Variants in CAPS2 observed in about 807,000 individuals in gnomAD.
CAPS2 encodes calcyphosine 2, also known as calcyphosin-2.
In CAPS2, 98 loss-of-function variants were observed where a neutral mutation model predicts 86.5. That is an observed-to-expected ratio of 1.13 (90% CI 0.96 to 1.34). CAPS2 has a LOEUF of 1.34. Ranked by LOEUF, CAPS2 falls within the 40% of genes most tolerant of loss-of-function variation. The pLI is 0.00. For synonymous variants in CAPS2, 210 were observed against 225.1 expected (o/e 0.93, Z 0.60); for missense variants, 729 against 686.8 (o/e 1.06, Z -0.69).
chr12:75,296,761 C>T (rs1277676696), intron 11 of CAPS2, among the ~76,000 whole-genome samples: 3 of 151,334 alleles, frequency 2.0e-5, no homozygotes, highest in Admixed American at 1.3e-4. Flanking sequence ...AACAGAACAC[C>T]ACCACCAAAA....
At chr12:75,305,504 C>A in intron 7 of CAPS2, 1 of 603,898 alleles carries the variant, frequency 1.7e-6, no homozygotes, top group East Asian at 3.6e-5. Flanking sequence ...GCCTCCAGCT[C>A]CGAGGTGCAT....
intron 4 of CAPS2, 23 bp from the exon 5 acceptor site, chr12:75,321,599 A>G (rs2139000986): frequency 6.7e-7 from 1 of 1,503,250 alleles, no homozygotes; most frequent in Admixed American, 2.2e-5. Flanking sequence ...AGAAAAAAGC[A>G]TGCTATCAGA....
chr12:75,276,254 G>C (rs1489909114), downstream of CAPS2: 2 of 1,540,124 alleles, frequency 1.3e-6, no homozygotes, highest in African/African-American at 2.8e-5. Context: ...CAACCTAGTA[G>C]TGATTATAGT....
At chr12:75,368,919 C>T (rs1593867540) in intron 1 of CAPS2, among the ~76,000 whole-genome samples, 1 of 151,872 alleles carries the variant, frequency 6.6e-6, no homozygotes, top group East Asian at 1.9e-4. Context: ...TCTGTTTTAT[C>T]CACATTTCAA....
chr12:75,389,998 C>T lies in CAPS2; in HGVS notation c.-395+840G>A, dbSNP rs149749644. On this transcript the variant is annotated intron_variant, in intron 1 of 5. Transcript: ENST00000551829. Reference sequence around the variant, plus strand: ...TATTGTTTTTCAATTGTGTGCATCACAGACAATTTTTAAAAGCACTTTTCT... The same window carrying T: ...TATTGTTTTTCAATTGTGTGCATCATAGACAATTTTTAAAAGCACTTTTCT... Among the ~76,000 whole-genome samples the T allele has an allele frequency of 4.1e-3, 618 of 152,314 alleles. 3 individuals carry two copies. Among genetic ancestry groups the T allele is most frequent in the African/African-American group, 0.014 (591 of 41,574 alleles).
In CAPS2 at chr12:75,381,912, C is replaced by T. The variant is rs527700061; in HGVS notation, c.-395+8926G>A. Reference sequence around the variant, plus strand: ...ACAGGCATGAGCCACCACACCCAGCCTCTTATGAAATTTGAATGGCTCCCT... The same window carrying T: ...ACAGGCATGAGCCACCACACCCAGCTTCTTATGAAATTTGAATGGCTCCCT... On this transcript the variant is annotated intron_variant, in intron 1 of 5. Coordinates refer to the CAPS2 transcript ENST00000551829. Among the ~76,000 whole-genome samples, 20 of 152,270 alleles carry T rather than the reference C, an allele frequency of 1.3e-4. No individual in the cohort carries two copies. In the East Asian group the frequency reaches 2.5e-3, roughly 19 times the overall value.
chr12:75,309,107 T>A (rs2138741815), intron 7 of CAPS2, among the ~76,000 whole-genome samples: 1 of 152,078 alleles, frequency 6.6e-6, no homozygotes, highest in African/African-American at 2.4e-5. Context: ...GGGATGGAGA[T>A]GACACACAAG....
At position 75,291,613 on chromosome 12, in the gene CAPS2, T is replaced by A. The variant is rs112072548; in HGVS notation, c.1240+131A>T. 592 of 50,478 alleles carry A rather than the reference T, an allele frequency of 0.012. 71 individuals carry two copies. Among genetic ancestry groups the A allele is most frequent in the East Asian group, 0.017 (15 of 902 alleles). The allele number at this position is 50,478 out of a possible 1,614,324, so 3.1% of individuals were successfully genotyped here. A position where few individuals can be genotyped will look rare whatever the true frequency, so the allele number is the denominator to read the frequency against. ...TATATATATATATATATATATATAT[T>A]CTTTTTTAAATAAGCAAAGGGTAAA... On this transcript the variant is annotated intron_variant, in intron 13 of 16. Transcript: ENST00000393284.
intron 15 of CAPS2, among the ~76,000 whole-genome samples, chr12:75,283,953 T>C (rs2034432379): frequency 6.6e-6 from 1 of 152,212 alleles, no homozygotes; most frequent in South Asian, 2.1e-4. Flanking sequence ...ACCTTGTTTG[T>C]GAACTTCTAA....
chr12:75,390,327 A>G (rs879598989), intron 1 of CAPS2: 10 of 456,186 alleles, frequency 2.2e-5, no homozygotes, highest in Non-Finnish European at 4.0e-5. Context: ...CTTACTGTGA[A>G]TGCCACAATT....
intron 1 of CAPS2, among the ~76,000 whole-genome samples, chr12:75,339,018 G>A (rs1212336436): frequency 2.6e-5 from 4 of 152,126 alleles, no homozygotes; most frequent in Admixed American, 2.0e-4. Context: ...GGGCATTTGG[G>A]TTGATTCTAT....
chr12:75,303,521 T>A (rs1165000060), intron 8 of CAPS2, among the ~76,000 whole-genome samples: 1 of 152,214 alleles, frequency 6.6e-6, no homozygotes, highest in African/African-American at 2.4e-5. Flanking sequence ...GATCTGAGCA[T>A]TTGGTACATG....
At chr12:75,289,728 C>T in exon 14 of CAPS2, 2 of 1,612,636 alleles carry the variant, frequency 1.2e-6, no homozygotes, top group Non-Finnish European at 1.7e-6. Context: ...TTTCCCAATC[C>T]AGTCAAAATA....
chr12:75,318,849 C>T (rs2040031188), intron 5 of CAPS2, among the ~76,000 whole-genome samples: 1 of 151,994 alleles, frequency 6.6e-6, no homozygotes, highest in African/African-American at 2.4e-5. Flanking sequence ...TATTCACTGA[C>T]TTACCCCCAG....
chr12:75,377,140 C>T (rs1292246793), intron 1 of CAPS2, among the ~76,000 whole-genome samples: 1 of 152,156 alleles, frequency 6.6e-6, no homozygotes, highest in Non-Finnish European at 1.5e-5. Flanking sequence ...ACTATCAGTG[C>T]TCTCCATCCT....
At chr12:75,316,598 T>C (rs1357191729) in intron 5 of CAPS2, among the ~76,000 whole-genome samples, 164 bp from the exon 6 acceptor site, 1 of 152,160 alleles carries the variant, frequency 6.6e-6, no homozygotes, top group Non-Finnish European at 1.5e-5. Flanking sequence ...ATCCAGCTCT[T>C]CCACTTGCCC....
At chr12:75,317,010 AT>A (rs1490402662) in intron 5 of CAPS2, among the ~76,000 whole-genome samples, 16 of 152,194 alleles carry the variant, frequency 1.1e-4, no homozygotes, top group Non-Finnish European at 4.4e-5. Context: ...AACTTAATAG[AT>A]TATAAGATTT....
chr12:75,349,064 G>C (rs570786766), intron 1 of CAPS2, among the ~76,000 whole-genome samples: 170 of 152,072 alleles, frequency 1.1e-3, no homozygotes, highest in Non-Finnish European at 2.0e-3. Context: ...AGAGAAAAGA[G>C]AACTACACAC....
intron 6 of CAPS2, among the ~76,000 whole-genome samples, chr12:75,313,726 A>G (rs985027993): frequency 4.6e-5 from 7 of 152,214 alleles, no homozygotes; most frequent in African/African-American, 1.4e-4. Flanking sequence ...TGTCATCCCC[A>G]TTGATCACTC....
Sources: allele counts gnomAD v4.1 joint callset (sites outside exome capture counted in the v4.1 genomes callset), GRCh38; gene constraint gnomAD v4.1.1; transcripts MANE v1.5; gene names NCBI Gene and HGNC (gene_info 2026-07-23, HGNC 2026-07-21).